SLA2: variants seen among roughly 807,000 people sequenced by gnomAD.
The protein encoded by SLA2 is src-like-adapter 2.
In SLA2, 22 loss-of-function variants were observed where a neutral mutation model predicts 27.3. That is an observed-to-expected ratio of 0.81 (90% CI 0.58 to 1.15). SLA2 has a LOEUF of 1.15. SLA2 is among the 50% of genes most tolerant of loss of function. The pLI, the probability that SLA2 is intolerant of heterozygous loss-of-function variation, is 0.00. For missense variants in SLA2, 304 were observed against 322.2 expected (o/e 0.94, Z 0.43); for synonymous variants, 131 against 137.8 (o/e 0.95, Z 0.34).
intron 5 of SLA2, 34 bp from the exon 6 acceptor site, chr20:36,615,408 GC>G (rs2039198168): frequency 6.2e-7 from 1 of 1,611,336 alleles, no homozygotes. Context: ...TGGCACTGAG[GC>G]CCTGCTGGGA....
chr20:36,619,220 GAAAAAAA>G (rs60021707), intron 5 of SLA2, among the ~76,000 whole-genome samples: 11 of 71,264 alleles, frequency 1.5e-4, no homozygotes, highest in East Asian at 4.8e-4. Flanking sequence ...GACTCTGGGG[GAAAAAAA>G]AAAAAAAAAA....
chr20:36,614,433 CA>C lies in SLA2; in HGVS notation c.536del (p.Leu179ArgfsTer30), dbSNP rs1306020339. 6.2e-7 allele frequency: 1 copy of C among 1,606,944 alleles called. No homozygotes were observed. The highest frequency in any genetic ancestry group is 8.5e-7 in the Non-Finnish European group (1 of 1,176,182). Reference protein sequence around the residue: ...LQALVDHYSELADDICCLLKE... With the variant: ...LQALVDHYSEXADDICCLLKE... ...TGAGTAGGCAGCAGATGTCATCCGC[CA>C]GCTCTGAGGAAGAGACCTCCATCCC... is the stretch of plus-strand genomic sequence containing the variant. On this transcript the variant is annotated frameshift_variant, in exon 7 of 8. Coordinates refer to ENST00000262866, the MANE Select transcript of SLA2 (RefSeq NM_032214.4). LOFTEE classifies it high-confidence loss of function.
At chr20:36,639,414 C>T (rs2039484409) in intron 2 of SLA2, among the ~76,000 whole-genome samples, 1 of 152,082 alleles carries the variant, frequency 6.6e-6, no homozygotes, top group Non-Finnish European at 1.5e-5. Context: ...CACACACACA[C>T]ACACACACAC....
chr20:36,612,443 G>A lies in SLA2; in HGVS notation c.*1423C>T, dbSNP rs1197610374. The A allele has an allele frequency of 3.4e-6, 2 of 591,484 alleles. No homozygotes were observed. The highest frequency in any genetic ancestry group is 6.0e-6 in the Non-Finnish European group (2 of 333,050). The allele number at this position is 591,484 out of a possible 1,614,324, so 36.6% of individuals were successfully genotyped here. A position where few individuals can be genotyped will look rare whatever the true frequency, so the allele number is the denominator to read the frequency against. ...CTATCAATGGCATTTCAAGTCTTCT[G>A]AAACAGCATGGCTGTATGTGCGTGG... is the stretch of plus-strand genomic sequence containing the variant. On this transcript the variant is annotated 3_prime_UTR_variant, in exon 8 of 8. Coordinates refer to ENST00000262866, the MANE Select transcript of SLA2 (RefSeq NM_032214.4).
In SLA2 at chr20:36,620,361, A is replaced by G. The variant is rs376623645; in HGVS notation, c.383-4987T>C. ...GCGCCACTGTACTCCAGCCTGGGCA[A>G]CAGAGCTTGACTCTGTCTCAAAAAA... On this transcript the variant is annotated intron_variant, in intron 5 of 7. Transcript: ENST00000262866. 2.5e-5 allele frequency: 4 copies of G among 162,338 alleles called. No individual in the cohort carries two copies. The South Asian group carries it at 6.4e-4, about 26-fold the overall frequency. 10.1% of individuals were successfully genotyped at this position (162,338 alleles called of 1,614,324 possible). A position where few individuals can be genotyped will look rare whatever the true frequency, so the allele number is the denominator to read the frequency against.
chr20:36,629,500 G>A (rs1396683955), intron 5 of SLA2, among the ~76,000 whole-genome samples: 1 of 150,344 alleles, frequency 6.7e-6, no homozygotes, highest in Non-Finnish European at 1.5e-5. Context: ...ATAGTCCGGT[G>A]CAGTGCCTTA....
chr20:36,645,460 T>C (rs1053004393), intron 1 of SLA2, among the ~76,000 whole-genome samples: 1 of 152,106 alleles, frequency 6.6e-6, no homozygotes, highest in Admixed American at 6.6e-5. Flanking sequence ...GAGTGCACTG[T>C]AGGCTCTACA....
intron 3 of SLA2, 90 bp downstream of exon 3, chr20:36,634,400 A>T (rs2039422802): frequency 1.0e-6 from 1 of 982,840 alleles, no homozygotes; most frequent in Non-Finnish European, 1.5e-6. Flanking sequence ...TCTCCCACCT[A>T]AGCCTCCCAG....
At chr20:36,627,077 G>C (rs2039347010) in intron 5 of SLA2, among the ~76,000 whole-genome samples, 1 of 152,030 alleles carries the variant, frequency 6.6e-6, no homozygotes. Flanking sequence ...GAGAAGCGGA[G>C]GGCAGGCTTT....
intron 5 of SLA2, among the ~76,000 whole-genome samples, chr20:36,620,162 G>A (rs539322867): frequency 3.3e-5 from 5 of 150,902 alleles, no homozygotes; most frequent in East Asian, 2.0e-4. Flanking sequence ...AGGCCGAGGC[G>A]GGCAGATCAC....
At chr20:36,619,221 A>T (rs376794690) in intron 5 of SLA2, among the ~76,000 whole-genome samples, 1 of 74,314 alleles carries the variant, frequency 1.3e-5, no homozygotes, top group African/African-American at 4.9e-5. Flanking sequence ...ACTCTGGGGG[A>T]AAAAAAAAAA....
chr20:36,628,715 TA>T lies in SLA2; in HGVS notation c.382+3879del, dbSNP rs111840158. Among the ~76,000 whole-genome samples, 699 of 149,818 alleles carry T rather than the reference TA, an allele frequency of 4.7e-3. 7 individuals carry two copies. Among genetic ancestry groups the T allele is most frequent in the African/African-American group, 0.017 (658 of 39,790 alleles). On this transcript the variant is annotated intron_variant, in intron 5 of 7. Coordinates refer to ENST00000262866, the MANE Select transcript of SLA2 (RefSeq NM_032214.4). The stretch of plus-strand genomic sequence containing the variant: ...CACATGCCACCACACCTAGCTAACT[TA>T]AAAAAAAATTTTTTTTTTTTAAGAG...
At chr20:36,621,403 T>C in intron 5 of SLA2, 3 of 566,878 alleles carry the variant, frequency 5.3e-6, no homozygotes, top group South Asian at 4.3e-5. Context: ...AAGTGGTAGA[T>C]ATAGTAGCAG....
chr20:36,634,904 C>T (rs1190183373), intron 2 of SLA2, among the ~76,000 whole-genome samples: 1 of 152,144 alleles, frequency 6.6e-6, no homozygotes, highest in East Asian at 1.9e-4. Flanking sequence ...AAATTAGGCT[C>T]AATGCAGCCT....
intron 2 of SLA2, among the ~76,000 whole-genome samples, chr20:36,638,872 G>A (rs1019599826): frequency 1.2e-4 from 18 of 151,832 alleles, no homozygotes; most frequent in African/African-American, 4.1e-4. Context: ...TTGAGACGGA[G>A]TTTTGCTCTT....
chr20:36,633,242 G>A (rs2039410260), intron 4 of SLA2, among the ~76,000 whole-genome samples: 1 of 151,908 alleles, frequency 6.6e-6, no homozygotes, highest in Non-Finnish European at 1.5e-5. Context: ...AGCCCCTCAC[G>A]CCACATGCTG....
At chr20:36,633,509 A>G in intron 4 of SLA2, 34 bp downstream of exon 4, 1 of 1,555,348 alleles carries the variant, frequency 6.4e-7, no homozygotes, top group South Asian at 1.1e-5. Flanking sequence ...GAAAGCAGGA[A>G]GCTCTGCAAG....
intron 1 of SLA2, among the ~76,000 whole-genome samples, chr20:36,644,724 G>T (rs59195087): frequency 2.6e-5 from 4 of 152,152 alleles, no homozygotes; most frequent in Non-Finnish European, 4.4e-5. Context: ...CGCACATTTT[G>T]TAAGACAGCA....
chr20:36,632,065 GT>G (rs1223308784), intron 5 of SLA2, among the ~76,000 whole-genome samples: 1 of 152,152 alleles, frequency 6.6e-6, no homozygotes, highest in Non-Finnish European at 1.5e-5. Flanking sequence ...CACTCAGAGA[GT>G]CCCTGTAATG....
Sources: allele counts gnomAD v4.1 joint callset (sites outside exome capture counted in the v4.1 genomes callset), GRCh38; gene constraint gnomAD v4.1.1; transcripts MANE v1.5; gene names NCBI Gene and HGNC (gene_info 2026-07-23, HGNC 2026-07-21).